LYZL4: variants seen among roughly 807,000 people sequenced by gnomAD.
The protein encoded by LYZL4 is lysozyme like 4.
LYZL4 carries 13 observed loss-of-function variants against 17.6 expected under a neutral mutation model. That is an observed-to-expected ratio of 0.74 (90% CI 0.48 to 1.18). LYZL4 has a LOEUF of 1.18. Among genes scored for constraint, LYZL4 ranks in the 50% most tolerant of loss-of-function variants. The pLI is 0.00. For missense variants in LYZL4, 174 were observed against 188.2 expected (o/e 0.92, Z 0.44); for synonymous variants, 64 against 67.7 (o/e 0.95, Z 0.27).
chr3:42,391,648 G>A, the LYZL4 span, among the ~76,000 whole-genome samples: 1 of 152,130 alleles, frequency 6.6e-6, no homozygotes, highest in Non-Finnish European at 1.5e-5. Context: ...GAGAAGAGAG[G>A]AAACTTGGAT....
chr3:42,388,661 TGA>T, the LYZL4 span, among the ~76,000 whole-genome samples: 1 of 152,236 alleles, frequency 6.6e-6, no homozygotes, highest in Non-Finnish European at 1.5e-5. Flanking sequence ...GAACATTTGC[TGA>T]ACAAGCATTC....
At chr3:42,404,355 A>G (rs1387999188) in intron 3 of LYZL4, among the ~76,000 whole-genome samples, 2 of 152,178 alleles carry the variant, frequency 1.3e-5, no homozygotes, top group Non-Finnish European at 2.9e-5. Flanking sequence ...TTTTTCCATT[A>G]AAATATATTG....
chr3:42,402,136 T>TA (rs61260579), intron 4 of LYZL4, among the ~76,000 whole-genome samples: 31,409 of 123,912 alleles, frequency 0.25, 4,073 homozygotes, highest in Middle Eastern at 0.32. Context: ...TTGAGAAGGT[T>TA]AAAAAAAAAA....
chr3:42,376,722 C>T, the LYZL4 span, among the ~76,000 whole-genome samples: 1 of 152,150 alleles, frequency 6.6e-6, no homozygotes, highest in Non-Finnish European at 1.5e-5. Flanking sequence ...CACTGGTAGC[C>T]TCAACCACCT....
chr3:42,407,800 A>G (rs1360465914), intron 1 of LYZL4, among the ~76,000 whole-genome samples: 2 of 151,786 alleles, frequency 1.3e-5, no homozygotes, highest in Non-Finnish European at 2.9e-5. Context: ...TCTTATTCCC[A>G]GTTGTGTCTT....
At chr3:42,393,337 G>GCACACACACACACA (rs3071913), downstream of LYZL4, among the ~76,000 whole-genome samples, 18 of 148,912 alleles carry the variant, frequency 1.2e-4, no homozygotes, top group African/African-American at 3.0e-4. Flanking sequence ...GTGTGCGCGT[G>GCACACACACACACA]CACACACACA....
At chr3:42,384,682 A>G in the LYZL4 span, among the ~76,000 whole-genome samples, 3 of 152,248 alleles carry the variant, frequency 2.0e-5, no homozygotes, top group Non-Finnish European at 4.4e-5. Flanking sequence ...GTTATAGTAG[A>G]GCACTCTGTG....
chr3:42,367,990 T>C, the LYZL4 span, among the ~76,000 whole-genome samples: 1 of 152,192 alleles, frequency 6.6e-6, no homozygotes, highest in Non-Finnish European at 1.5e-5. Flanking sequence ...ACAAGAATCC[T>C]AAGAGGCAGG....
downstream of LYZL4, among the ~76,000 whole-genome samples, chr3:42,393,606 T>C (rs1176024347): frequency 6.6e-6 from 1 of 152,214 alleles, no homozygotes; most frequent in Admixed American, 6.5e-5. Flanking sequence ...ACGATCCCTG[T>C]GACTTCCGAC....
the LYZL4 span, among the ~76,000 whole-genome samples, chr3:42,366,765 T>G: frequency 6.6e-6 from 1 of 152,188 alleles, no homozygotes; most frequent in Non-Finnish European, 1.5e-5. Context: ...ACCTACTATG[T>G]GCCAGGCCCT....
the LYZL4 span, among the ~76,000 whole-genome samples, chr3:42,385,358 A>T: frequency 6.6e-6 from 1 of 152,202 alleles, no homozygotes; most frequent in Non-Finnish European, 1.5e-5. Context: ...ATACACGAAT[A>T]CTTAGCACTG....
the LYZL4 span, among the ~76,000 whole-genome samples, chr3:42,366,075 GA>G: frequency 5.3e-5 from 8 of 151,970 alleles, no homozygotes; most frequent in African/African-American, 1.9e-4. Context: ...GGGGATTGTG[GA>G]AGGGTAGGGG....
the LYZL4 span, among the ~76,000 whole-genome samples, chr3:42,370,164 G>A: frequency 1.3e-5 from 2 of 152,130 alleles, no homozygotes; most frequent in East Asian, 3.9e-4. Flanking sequence ...TCTGAGTAGA[G>A]GAAGGGACTC....
chr3:42,396,940 C>T (rs546187027), downstream of LYZL4: 19 of 185,220 alleles, frequency 1.0e-4, no homozygotes, highest in Admixed American at 1.7e-4. Flanking sequence ...TTAGTATTGA[C>T]ATTCATGGAC....
At chr3:42,392,135 G>A (rs775268509), downstream of LYZL4, among the ~76,000 whole-genome samples, 1 of 152,174 alleles carries the variant, frequency 6.6e-6, no homozygotes, top group Non-Finnish European at 1.5e-5. Context: ...GCCTCCCAAA[G>A]TGTTGGCATT....
chr3:42,393,214 C>T (rs1023285240), downstream of LYZL4, among the ~76,000 whole-genome samples: 1 of 152,140 alleles, frequency 6.6e-6, no homozygotes, highest in Admixed American at 6.5e-5. Flanking sequence ...AAACCAGCCA[C>T]AACTTAGGGA....
chr3:42,389,786 A>G, the LYZL4 span, among the ~76,000 whole-genome samples: 4 of 152,166 alleles, frequency 2.6e-5, no homozygotes, highest in Non-Finnish European at 4.4e-5. Context: ...TGAAGGCACC[A>G]GTAGGTGCCT....
Position 42,397,260 on chromosome 3 carries a change from G to C in LYZL4, c.*5C>G. ...TGGTGAGTGCTGCAGGGGCCATGCA[G>C]GTGGCTACAGCTTGCAACCATCCAG... is the stretch of plus-strand genomic sequence containing the variant. On this transcript the variant is annotated 3_prime_UTR_variant, in exon 5 of 5. Transcript: ENST00000287748. 6.4e-7 allele frequency: 1 copy of C among 1,558,180 alleles called. No homozygotes were observed. Among genetic ancestry groups the C allele is most frequent in the Non-Finnish European group, 8.7e-7 (1 of 1,149,826 alleles).
chr3:42,378,200 T>C, the LYZL4 span, among the ~76,000 whole-genome samples: 1 of 152,118 alleles, frequency 6.6e-6, no homozygotes, highest in East Asian at 1.9e-4. Flanking sequence ...AGCATTCCAT[T>C]CCCATCTCCC....
Sources: allele counts gnomAD v4.1 joint callset (sites outside exome capture counted in the v4.1 genomes callset), GRCh38; gene constraint gnomAD v4.1.1; transcripts MANE v1.5; gene names NCBI Gene and HGNC (gene_info 2026-07-23, HGNC 2026-07-21).